Variants in SLC25A26 observed in about 807,000 individuals in gnomAD.
The protein encoded by SLC25A26 is solute carrier family 25 member 26, also known as mitochondrial S-adenosylmethionine carrier protein.
In SLC25A26, 36 loss-of-function variants were observed where a neutral mutation model predicts 37.8. That is an observed-to-expected ratio of 0.95 (90% CI 0.73 to 1.26). The LOEUF (loss-of-function observed/expected upper bound fraction) is 1.26. SLC25A26 is among the 50% of genes most tolerant of loss of function. The pLI, the probability that SLC25A26 is intolerant of heterozygous loss-of-function variation, is 0.00. For synonymous variants in SLC25A26, 129 were observed against 122.5 expected (o/e 1.05, Z -0.35); for missense variants, 390 against 331.1 (o/e 1.18, Z -1.38).
chr3:66,145,716 A>C (rs572890828), intron 1 of SLC25A26, among the ~76,000 whole-genome samples: 1 of 152,356 alleles, frequency 6.6e-6, no homozygotes, highest in South Asian at 2.1e-4. Flanking sequence ...AAGGTGTTCC[A>C]TCTTATTTCA....
intron 1 of SLC25A26, among the ~76,000 whole-genome samples, chr3:66,198,372 G>C (rs998830520): frequency 1.6e-4 from 25 of 151,944 alleles, no homozygotes; most frequent in Non-Finnish European, 2.1e-4. Context: ...TTCATGAACG[G>C]AGTGAATGTC....
At chr3:66,307,380 G>T (rs1488656505) in intron 5 of SLC25A26, among the ~76,000 whole-genome samples, 1 of 149,134 alleles carries the variant, frequency 6.7e-6, no homozygotes, top group Non-Finnish European at 1.5e-5. Context: ...ATTTATTTAA[G>T]TTCCTTGTAG....
At chr3:66,159,057 A>G (rs1329755304) in intron 1 of SLC25A26, among the ~76,000 whole-genome samples, 1 of 152,168 alleles carries the variant, frequency 6.6e-6, no homozygotes, top group Non-Finnish European at 1.5e-5. Flanking sequence ...GGGAGCCCTC[A>G]TCAAATAGCT....
chr3:66,204,451 A>G (rs1448706717), intron 1 of SLC25A26, among the ~76,000 whole-genome samples: 1 of 148,520 alleles, frequency 6.7e-6, no homozygotes, highest in Non-Finnish European at 1.5e-5. Flanking sequence ...AAAAAAAGAA[A>G]AAAGAAAGAA....
chr3:66,355,763 A>G (rs372443395), intron 6 of SLC25A26, among the ~76,000 whole-genome samples: 2 of 152,350 alleles, frequency 1.3e-5, no homozygotes, highest in East Asian at 3.9e-4. Flanking sequence ...TTGATCAACT[A>G]CAGTATGGAA....
chr3:66,319,929 T>C (rs897782727), intron 5 of SLC25A26, among the ~76,000 whole-genome samples: 4 of 151,892 alleles, frequency 2.6e-5, no homozygotes, highest in African/African-American at 9.7e-5. Flanking sequence ...AATTTTTTAG[T>C]AGAGACGGAG....
intron 3 of SLC25A26, among the ~76,000 whole-genome samples, chr3:66,252,730 T>C (rs1236519659): frequency 1.3e-5 from 2 of 152,182 alleles, no homozygotes; most frequent in African/African-American, 4.8e-5. Context: ...GGGAAAGGTA[T>C]CTATTCAGAA....
At chr3:66,253,383 CAG>C (rs2073171696) in intron 3 of SLC25A26, among the ~76,000 whole-genome samples, 2 of 143,070 alleles carry the variant, frequency 1.4e-5, no homozygotes, top group South Asian at 4.4e-4. Context: ...GCCTGGGTGA[CAG>C]AGTGAGACTC....
chr3:66,375,853 A>G (rs994430160), intron 9 of SLC25A26, among the ~76,000 whole-genome samples: 2 of 151,890 alleles, frequency 1.3e-5, no homozygotes, highest in African/African-American at 4.8e-5. Flanking sequence ...ATTAAATTTC[A>G]TAAGGCTACA....
At position 66,258,848 on chromosome 3, in the gene SLC25A26, T is replaced by TA. The variant is rs1559625778; in HGVS notation, c.301-3203_301-3202insA. Among the ~76,000 whole-genome samples the TA allele has an allele frequency of 2.7e-5, 4 of 150,160 alleles. No individual in the cohort carries two copies. In the South Asian group the frequency reaches 6.4e-4, roughly 24 times the overall value. On this transcript the variant is annotated intron_variant, in intron 3 of 9. Transcript: ENST00000354883. ...TTTTTTCTTCTCTTTCCTTTTCTTTTTTTTTTTTTTTAATTATTAACAGGA... is the reference window on the plus strand; with the variant it reads ...TTTTTTCTTCTCTTTCCTTTTCTTTTATTTTTTTTTTTAATTATTAACAGGA...
chr3:66,208,870 G>GTGTA lies in SLC25A26; in HGVS notation c.-353-11871_-353-11870insGTAT, dbSNP rs1364331517. On this transcript the variant is annotated intron_variant, in intron 1 of 10. Coordinates refer to the SLC25A26 transcript ENST00000676754. Reference sequence around the variant, plus strand: ...TATATATACCTTTATATGGGTGTGTGTATATATATATATATACACCTTTAT... The same window carrying GTGTA: ...TATATATACCTTTATATGGGTGTGTGTGTATATATATATATATATACACCTTTAT... Among the ~76,000 whole-genome samples the GTGTA allele has an allele frequency of 1.2e-3, 68 of 55,896 alleles. 1 individual carries two copies. Among genetic ancestry groups the GTGTA allele is most frequent in the Non-Finnish European group, 2.2e-3 (51 of 22,768 alleles). The allele number at this position is 55,896 out of a possible 152,430, so 36.7% of individuals were successfully genotyped here.
At chr3:66,258,158 AC>A (rs1349799862) in intron 3 of SLC25A26, among the ~76,000 whole-genome samples, 1 of 152,108 alleles carries the variant, frequency 6.6e-6, no homozygotes, top group Non-Finnish European at 1.5e-5. Context: ...CACCTCCCTA[AC>A]AAGGGGTGGC....
chr3:66,346,758 G>GTA (rs1553700716), intron 6 of SLC25A26, among the ~76,000 whole-genome samples: 14 of 143,026 alleles, frequency 9.8e-5, no homozygotes, highest in African/African-American at 3.9e-4. Flanking sequence ...GTGTGTGTGT[G>GTA]TGTTTAGAAG....
intron 5 of SLC25A26, among the ~76,000 whole-genome samples, chr3:66,279,204 C>T (rs1278833394): frequency 6.6e-6 from 1 of 152,080 alleles, no homozygotes; most frequent in Non-Finnish European, 1.5e-5. Flanking sequence ...TGAAAACATA[C>T]TGTCTTTTGT....
chr3:66,263,661 T>TTTTA (rs149550158), intron 5 of SLC25A26, among the ~76,000 whole-genome samples: 5 of 151,334 alleles, frequency 3.3e-5, no homozygotes, highest in African/African-American at 1.2e-4. Context: ...TTGAAGTATT[T>TTTTA]TTTGTTTGTT....
chr3:66,272,517 G>C (rs901084676), intron 5 of SLC25A26, among the ~76,000 whole-genome samples: 4 of 152,074 alleles, frequency 2.6e-5, no homozygotes, highest in African/African-American at 9.7e-5. Flanking sequence ...GTTGATGGAA[G>C]TGTTCATGAA....
chr3:66,196,828 TAA>T (rs1199781085), intron 1 of SLC25A26, among the ~76,000 whole-genome samples: 2 of 152,142 alleles, frequency 1.3e-5, no homozygotes, highest in East Asian at 3.9e-4. Flanking sequence ...TCTGTAGACA[TAA>T]GAGACACCTA....
chr3:66,217,310 A>AT (rs2071376412), upstream of SLC25A26, among the ~76,000 whole-genome samples: 1 of 152,188 alleles, frequency 6.6e-6, no homozygotes, highest in Non-Finnish European at 1.5e-5. Context: ...AATAAGATTT[A>AT]TTTTCACTTA....
chr3:66,149,437 C>T (rs1266050954), intron 1 of SLC25A26, among the ~76,000 whole-genome samples: 1 of 152,166 alleles, frequency 6.6e-6, no homozygotes, highest in East Asian at 1.9e-4. Flanking sequence ...TTTTATGTGC[C>T]AACAAATTTT....
Sources: allele counts gnomAD v4.1 joint callset (sites outside exome capture counted in the v4.1 genomes callset), GRCh38; gene constraint gnomAD v4.1.1; transcripts MANE v1.5; gene names NCBI Gene and HGNC (gene_info 2026-07-23, HGNC 2026-07-21).